Variants in RGS3 observed in about 807,000 individuals in gnomAD.
The protein encoded by RGS3 is regulator of G-protein signalling 3.
Under a neutral mutation model 132.6 loss-of-function variants are expected in RGS3, and 80 were observed. The ratio of observed to expected loss-of-function variants is 0.60; its 90% CI spans 0.50 to 0.73. RGS3 has a LOEUF of 0.73. RGS3 is among the 30% of genes least tolerant of loss of function. The pLI is 0.00. For missense variants in RGS3, 1,382 were observed against 1,530.8 expected (o/e 0.90, Z 1.62); for synonymous variants, 598 against 620.6 (o/e 0.96, Z 0.54).
At chr9:113,501,748 A>C in intron 10 of RGS3, 1 of 1,097,760 alleles carries the variant, frequency 9.1e-7, no homozygotes, top group Non-Finnish European at 1.3e-6. Context: ...TGCTCCCTGC[A>C]GGCTCACTTG....
intron 19 of RGS3, among the ~76,000 whole-genome samples, chr9:113,574,238 C>T (rs1834412461): frequency 6.6e-6 from 1 of 152,218 alleles, no homozygotes. Flanking sequence ...CGTTGGAATT[C>T]CTTAAAATAT....
chr9:113,463,988 C>A lies in RGS3; in HGVS notation c.415+1787C>A. The A allele has an allele frequency of 2.5e-6, 3 of 1,186,270 alleles. No individual in the cohort carries two copies. Among genetic ancestry groups the A allele is most frequent in the Non-Finnish European group, 3.6e-6 (3 of 833,452 alleles). 73.5% of individuals were successfully genotyped at this position (1,186,270 alleles called of 1,614,324 possible). On this transcript the variant is annotated intron_variant, in intron 3 of 24. Transcript: ENST00000350696. The surrounding 1 kb of genome is among the most constrained non-coding windows in gnomAD (Gnocchi z 4.6). ...GGGAGGCTGGGAGCAGGTGCTCTTT[C>A]TATCTAGGGGCACCTTCTCTGGCCC...
chr9:113,551,925 G>A (rs1833356321), intron 19 of RGS3, among the ~76,000 whole-genome samples: 1 of 151,984 alleles, frequency 6.6e-6, no homozygotes, highest in East Asian at 1.9e-4. Context: ...CAGTATATGA[G>A]GGTTCCAATT....
rs1830664749 is a variant in RGS3, at chr9:113,495,836, C to T, written c.740C>T (p.Thr247Ile). The change falls in exon 8 of 25, where the codon ACT becomes ATT. Residue 247 changes from threonine to isoleucine, a missense_variant. Thr to Ile is a moderately conservative substitution (Grantham distance 89). Transcript: ENST00000350696. Reference sequence around the variant, plus strand: ...AGCTTTGGGGTGAAGTCTCTCCTGACTCCAGACAAGGTGGGTCCTAGGGAT... The same window carrying T: ...AGCTTTGGGGTGAAGTCTCTCCTGATTCCAGACAAGGTGGGTCCTAGGGAT... 1 of 1,614,056 alleles carries T rather than the reference C, an allele frequency of 6.2e-7. No individual in the cohort carries two copies. Among genetic ancestry groups the T allele is most frequent in the Non-Finnish European group, 8.5e-7 (1 of 1,179,886 alleles).
chr9:113,531,447 A>G (rs1178766077), intron 18 of RGS3, among the ~76,000 whole-genome samples: 4 of 152,126 alleles, frequency 2.6e-5, no homozygotes, highest in African/African-American at 7.2e-5. Flanking sequence ...GGGTTGTGGT[A>G]ATGATTAAAT....
chr9:113,490,981 T>TATA (rs1830497630), intron 7 of RGS3, among the ~76,000 whole-genome samples: 3 of 133,718 alleles, frequency 2.2e-5, no homozygotes, highest in Non-Finnish European at 3.0e-5. Context: ...ATAACTTAAT[T>TATA]ATTATATATT....
chr9:113,471,236 C>T (rs1371783912), intron 3 of RGS3, among the ~76,000 whole-genome samples: 1 of 151,888 alleles, frequency 6.6e-6, no homozygotes, highest in Non-Finnish European at 1.5e-5. Context: ...AGGTGGGGCT[C>T]AGAAGAACCC....
chr9:113,494,243 C>T (rs2119268027), intron 7 of RGS3, among the ~76,000 whole-genome samples: 1 of 151,948 alleles, frequency 6.6e-6, no homozygotes, highest in Non-Finnish European at 1.5e-5. Context: ...AAAAACGATA[C>T]TTGTTCCCTA....
intron 6 of RGS3, among the ~76,000 whole-genome samples, chr9:113,485,342 GTC>G (rs1277490178): frequency 3.9e-5 from 6 of 152,076 alleles, no homozygotes; most frequent in Non-Finnish European, 7.3e-5. Context: ...GCCCACCTCT[GTC>G]TCCCAAAGTG....
At chr9:113,596,999 C>T (rs1564632156) in exon 25 of RGS3, 1 of 1,497,716 alleles carries the variant, frequency 6.7e-7, no homozygotes, top group East Asian at 2.3e-5. Flanking sequence ...CGGGCTGGGT[C>T]CCCTGCCCAC....
At chr9:113,547,517 T>C (rs943348305) in intron 19 of RGS3, among the ~76,000 whole-genome samples, 39 of 152,214 alleles carry the variant, frequency 2.6e-4, no homozygotes, top group African/African-American at 9.4e-4. Context: ...GTATACACAT[T>C]GAACTCTTTT....
intron 20 of RGS3, among the ~76,000 whole-genome samples, chr9:113,588,272 C>T (rs1159417355): frequency 1.3e-5 from 2 of 152,238 alleles, no homozygotes; most frequent in African/African-American, 4.8e-5. Flanking sequence ...TTCAAGCCTC[C>T]TATTTTTAAA....
At chr9:113,546,330 C>T (rs982310247) in intron 19 of RGS3, among the ~76,000 whole-genome samples, 7 of 152,198 alleles carry the variant, frequency 4.6e-5, no homozygotes, top group African/African-American at 1.2e-4. Context: ...CTTCCCCCTT[C>T]GTGGTTCCCA....
At chr9:113,517,541 C>G (rs756826263) in exon 16 of RGS3, 6 of 1,612,602 alleles carry the variant, frequency 3.7e-6, no homozygotes, top group Admixed American at 1.7e-5. Flanking sequence ...TTATTTCCAG[C>G]CTCTAGATCT....
exon 20 of RGS3, chr9:113,583,931 T>C (rs1564607951): frequency 1.9e-6 from 3 of 1,614,092 alleles, no homozygotes; most frequent in African/African-American, 1.3e-5. Flanking sequence ...GGGGACCTAC[T>C]AGCAGCTACT....
intron 15 of RGS3, 95 bp downstream of exon 13, chr9:113,514,749 G>T: frequency 8.2e-7 from 1 of 1,214,744 alleles, no homozygotes; most frequent in Non-Finnish European, 1.2e-6. Context: ...CTTATCCCAG[G>T]ACTGAGGGCC....
At chr9:113,558,273 C>T (rs531791898) in intron 19 of RGS3, among the ~76,000 whole-genome samples, 3 of 152,194 alleles carry the variant, frequency 2.0e-5, no homozygotes, top group East Asian at 1.9e-4. Context: ...GAGGCCTAGG[C>T]GGTGGATCAC....
At chr9:113,583,882 C>T (rs1834960289) in exon 20 of RGS3, 2 of 1,614,074 alleles carry the variant, frequency 1.2e-6, no homozygotes, top group Non-Finnish European at 1.7e-6. Context: ...CCAGGTCTCC[C>T]TGCCAGCCAA....
Position 113,588,676 on chromosome 9 carries a change from T to G in RGS3, c.3016-2657T>G, listed in dbSNP as rs150772141. On this transcript the variant is annotated intron_variant, in intron 20 of 24. Coordinates refer to ENST00000350696, the Ensembl canonical transcript of RGS3. ...AAACACTTTGGCCCGGCACCTGACA[T>G]GTAGTGAACGCTCAATAAATAATGG... Among the ~76,000 whole-genome samples, 217 of 152,326 alleles carry G rather than the reference T, an allele frequency of 1.4e-3. 6 individuals carry two copies. In the East Asian group the frequency reaches 0.037, roughly 26 times the overall value.
Sources: allele counts gnomAD v4.1 joint callset (sites outside exome capture counted in the v4.1 genomes callset), GRCh38; gene constraint gnomAD v4.1.1; non-coding constraint Gnocchi (gnomAD v3.1); transcripts MANE v1.5; gene names NCBI Gene and HGNC (gene_info 2026-07-23, HGNC 2026-07-21).